PPARG: variants seen among roughly 807,000 people sequenced by gnomAD.
PPARG encodes peroxisome proliferator-activated receptor gamma.
A neutral mutation model predicts 39.2 loss-of-function variants in PPARG; 17 were observed. That is an observed-to-expected ratio of 0.43 (90% CI 0.30 to 0.65). The LOEUF is 0.65. Ranked by LOEUF, PPARG falls within the 30% of genes least tolerant of loss-of-function variation. The pLI is 0.13. For synonymous variants in PPARG, 223 were observed against 215.7 expected, an observed-to-expected ratio of 1.03 and a Z score of -0.30; for missense variants, 406 against 585.9, an observed-to-expected ratio of 0.69 and a Z score of 3.17.
Position 12,334,905 on chromosome 3 carries a change from G to C in PPARG, c.-9+22452G>C, listed in dbSNP as rs2047966477. Among the ~76,000 whole-genome samples, 3 of 151,934 alleles carry C rather than the reference G, an allele frequency of 2.0e-5. No individual in the cohort carries two copies. The South Asian group carries it at 6.2e-4, about 32-fold the overall frequency. On this transcript the variant is annotated intron_variant, in intron 2 of 7. Transcript: ENST00000651735. ...TTTCTAATTTTTTATTCTTTATTTT[G>C]TTTATTCCCATACTTAACTTTTACT...
At chr3:12,371,888 A>G (rs543978591) in intron 2 of PPARG, 2 of 704,714 alleles carry the variant, frequency 2.8e-6, no homozygotes, top group Admixed American at 4.0e-5. Flanking sequence ...TGTCGCTGTC[A>G]TGATGGGAGA....
At chr3:12,332,877 T>TA (rs2047901415) in intron 2 of PPARG, among the ~76,000 whole-genome samples, 1 of 151,972 alleles carries the variant, frequency 6.6e-6, no homozygotes, top group African/African-American at 2.4e-5. Flanking sequence ...CAAAAAATTT[T>TA]AAAAATTGGC....
chr3:12,377,232 G>A (rs2049447165), intron 2 of PPARG, among the ~76,000 whole-genome samples: 1 of 152,090 alleles, frequency 6.6e-6, no homozygotes, highest in African/African-American at 2.4e-5. Context: ...CTATTCTGTG[G>A]CCTTAGAATC....
intron 1 of PPARG, among the ~76,000 whole-genome samples, chr3:12,298,339 T>C (rs189374891): frequency 2.8e-5 from 2 of 70,646 alleles, no homozygotes; most frequent in Non-Finnish European, 5.5e-5. Flanking sequence ...AAATGTAAAA[T>C]AGCAAGCGAG....
At chr3:12,291,177 C>T (rs112360209) in intron 1 of PPARG, among the ~76,000 whole-genome samples, 16 of 152,100 alleles carry the variant, frequency 1.1e-4, no homozygotes, top group Middle Eastern at 3.2e-3. Context: ...AGTGTGTAAG[C>T]GTAAACATAT....
intron 7 of PPARG, among the ~76,000 whole-genome samples, chr3:12,422,190 G>A (rs939323990): frequency 7.2e-5 from 11 of 152,170 alleles, no homozygotes; most frequent in Non-Finnish European, 1.2e-4. Context: ...ATAATCATCC[G>A]AAATGATTAT....
At position 12,311,327 on chromosome 3, in the gene PPARG, C is replaced by G. The variant is rs1247568966; in HGVS notation, c.-82-1053C>G. Among the ~76,000 whole-genome samples, 3 of 152,138 alleles carry G rather than the reference C, an allele frequency of 2.0e-5. 1 individual carries two copies. The highest frequency in any genetic ancestry group is 2.0e-4 in the Admixed American group (3 of 15,270). On this transcript the variant is annotated intron_variant, in intron 1 of 7. Coordinates refer to ENST00000651735, the MANE Select transcript of PPARG (RefSeq NM_138711.6). ...CTGTGGTGCTCAGGCTGGTCTCCAA[C>G]TCCTGGGCTCAAGCAATCCGCCTGC... is the stretch of plus-strand genomic sequence containing the variant.
At chr3:12,396,199 G>A (rs943938665) in intron 5 of PPARG, among the ~76,000 whole-genome samples, 1 of 151,888 alleles carries the variant, frequency 6.6e-6, no homozygotes. Flanking sequence ...TTGGCTCACT[G>A]CAACCTCCGC....
chr3:12,391,000 T>C (rs1034795455), intron 4 of PPARG, among the ~76,000 whole-genome samples: 1 of 152,148 alleles, frequency 6.6e-6, no homozygotes, highest in African/African-American at 2.4e-5. Context: ...TTGAGAATAA[T>C]GATTACTTTG....
intron 2 of PPARG, among the ~76,000 whole-genome samples, chr3:12,325,599 T>C (rs2047672081): frequency 6.6e-6 from 1 of 150,556 alleles, no homozygotes. Context: ...AGACTCTGTC[T>C]CAAAAAAAAA....
intron 2 of PPARG, among the ~76,000 whole-genome samples, chr3:12,322,035 T>C (rs1161676306): frequency 6.6e-6 from 1 of 152,256 alleles, no homozygotes; most frequent in Non-Finnish European, 1.5e-5. Flanking sequence ...ATGCAAAGCA[T>C]GCTACAGAAT....
chr3:12,391,116 A>G (rs1461057694), intron 4 of PPARG, among the ~76,000 whole-genome samples: 2 of 152,224 alleles, frequency 1.3e-5, no homozygotes, highest in Non-Finnish European at 2.9e-5. Context: ...AGGCCCAGAA[A>G]GGAAGTTACG....
At chr3:12,379,335 A>G (rs1429168073) in intron 2 of PPARG, among the ~76,000 whole-genome samples, 2 of 152,124 alleles carry the variant, frequency 1.3e-5, no homozygotes, top group East Asian at 1.9e-4. Context: ...ATTTTTGTCT[A>G]TTATACTCAA....
intron 2 of PPARG, among the ~76,000 whole-genome samples, chr3:12,369,496 A>C (rs530777433): frequency 7.9e-5 from 12 of 152,288 alleles, no homozygotes; most frequent in South Asian, 2.1e-4. Context: ...TGTCTCAAAA[A>C]TAATTATAAT....
chr3:12,431,770 C>A (rs1340032273), intron 7 of PPARG, among the ~76,000 whole-genome samples: 1 of 151,934 alleles, frequency 6.6e-6, no homozygotes, highest in Non-Finnish European at 1.5e-5. Context: ...CAAGACCCCA[C>A]CTCTACAAAA....
chr3:12,290,319 C>T (rs991051898), intron 1 of PPARG, among the ~76,000 whole-genome samples: 1 of 151,820 alleles, frequency 6.6e-6, no homozygotes, highest in African/African-American at 2.4e-5. Context: ...TTTTGGATGT[C>T]GTTTTCTCAT....
At chr3:12,388,172 A>C (rs371649463) in intron 4 of PPARG, among the ~76,000 whole-genome samples, 1 of 152,186 alleles carries the variant, frequency 6.6e-6, no homozygotes, top group African/African-American at 2.4e-5. Context: ...TGAAAAAAAA[A>C]CTTTTTGATA....
chr3:12,395,362 G>T (rs945532124), intron 5 of PPARG, among the ~76,000 whole-genome samples: 1 of 152,172 alleles, frequency 6.6e-6, no homozygotes, highest in African/African-American at 2.4e-5. Flanking sequence ...TCTGAATCAG[G>T]TCTGTATGTT....
intron 7 of PPARG, among the ~76,000 whole-genome samples, chr3:12,424,820 C>G (rs2051382335): frequency 6.6e-6 from 1 of 152,170 alleles, no homozygotes. Flanking sequence ...TAGATGTGTG[C>G]TTGCGGCAAT....
Sources: allele counts gnomAD v4.1 joint callset (sites outside exome capture counted in the v4.1 genomes callset), GRCh38; gene constraint gnomAD v4.1.1; transcripts MANE v1.5; gene names NCBI Gene and HGNC (gene_info 2026-07-23, HGNC 2026-07-21).